The following CSMD3 variants were observed in gnomAD, a reference collection of about 807,000 sequenced individuals.
CSMD3 encodes the protein CUB and Sushi multiple domains 3.
Under a neutral mutation model 435.2 loss-of-function variants are expected in CSMD3, and 177 were observed. The observed-to-expected ratio is 0.41, with a 90% CI of 0.36 to 0.46. The LOEUF (loss-of-function observed/expected upper bound fraction) is 0.46. CSMD3 is among the 20% of genes least tolerant of loss of function. The pLI is 0.34. For synonymous variants in CSMD3, 1,656 were observed against 1,520.5 expected, an observed-to-expected ratio of 1.09 and a Z score of -2.07; for missense variants, 4,265 against 4,504.6, an observed-to-expected ratio of 0.95 and a Z score of 1.52.
chr8:112,352,346 C>G (rs1826205511), intron 39 of CSMD3, 70 bp downstream of exon 39: 1 of 1,603,262 alleles, frequency 6.2e-7, no homozygotes, highest in Admixed American at 1.7e-5. Context: ...CGTGGCTTAT[C>G]AATCATTGAT....
intron 61 of CSMD3, among the ~76,000 whole-genome samples, chr8:112,261,852 A>G (rs1816434500): frequency 6.6e-6 from 1 of 151,912 alleles, no homozygotes; most frequent in Non-Finnish European, 1.5e-5. Flanking sequence ...ATCTCCTGAG[A>G]GGAAATAGCT....
chr8:112,798,174 T>A (rs2078873390), intron 13 of CSMD3, among the ~76,000 whole-genome samples: 1 of 151,800 alleles, frequency 6.6e-6, no homozygotes, highest in Non-Finnish European at 1.5e-5. Context: ...GGTGCTAAGT[T>A]AAAATTAAAA....
intron 1 of CSMD3, among the ~76,000 whole-genome samples, chr8:113,364,280 A>T (rs904864128): frequency 9.2e-5 from 14 of 151,996 alleles, no homozygotes; most frequent in Non-Finnish European, 2.9e-5. Flanking sequence ...GATACAGAAA[A>T]TGTATAAAGC....
At chr8:113,194,850 T>C (rs536885580) in intron 3 of CSMD3, among the ~76,000 whole-genome samples, 2 of 151,372 alleles carry the variant, frequency 1.3e-5, no homozygotes, top group Admixed American at 1.3e-4. Flanking sequence ...TACAAACAAG[T>C]AGCTTTCACA....
At chr8:113,287,842 T>G (rs182026523) in intron 2 of CSMD3, among the ~76,000 whole-genome samples, 41 of 152,094 alleles carry the variant, frequency 2.7e-4, no homozygotes, top group Non-Finnish European at 4.9e-4. Flanking sequence ...CTGCAAATTC[T>G]TGATTACCTG....
At chr8:112,488,556 A>G (rs776641793) in intron 31 of CSMD3, among the ~76,000 whole-genome samples, 1 of 152,218 alleles carries the variant, frequency 6.6e-6, no homozygotes, top group Non-Finnish European at 1.5e-5. Flanking sequence ...CTCAAAAGCA[A>G]TGCCTACCAG....
At chr8:113,019,008 T>C (rs770539736) in intron 6 of CSMD3, 59 bp downstream of exon 6, 1 of 1,092,884 alleles carries the variant, frequency 9.2e-7, no homozygotes, top group Non-Finnish European at 1.4e-6. Context: ...CAAAACATAG[T>C]TGTGTACACC....
intron 13 of CSMD3, among the ~76,000 whole-genome samples, chr8:112,794,281 TAA>T (rs1476939880): frequency 7.1e-6 from 1 of 141,082 alleles, no homozygotes; most frequent in African/African-American, 2.7e-5. Flanking sequence ...GCTGGACTGA[TAA>T]ACTTTTTTTT....
intron 7 of CSMD3, among the ~76,000 whole-genome samples, chr8:112,965,165 C>G (rs558200290): frequency 1.0e-3 from 154 of 152,068 alleles, no homozygotes; most frequent in Non-Finnish European, 1.9e-3. Flanking sequence ...AATAGAAAGT[C>G]TAGCCCCATC....
chr8:112,442,453 C>T (rs1377776328), intron 32 of CSMD3, among the ~76,000 whole-genome samples: 1 of 152,194 alleles, frequency 6.6e-6, no homozygotes, highest in Non-Finnish European at 1.5e-5. Flanking sequence ...CACTTACTAG[C>T]TGTAGGATCA....
At chr8:113,025,334 G>A (rs1373790539) in intron 5 of CSMD3, among the ~76,000 whole-genome samples, 1 of 152,170 alleles carries the variant, frequency 6.6e-6, no homozygotes, top group Non-Finnish European at 1.5e-5. Context: ...ATTCTGGGTA[G>A]AAGCAGGAGT....
intron 1 of CSMD3, among the ~76,000 whole-genome samples, chr8:113,380,459 AAAAG>A (rs1172849702): frequency 6.6e-6 from 1 of 152,198 alleles, no homozygotes; most frequent in Non-Finnish European, 1.5e-5. Flanking sequence ...ATTTAGAAAA[AAAAG>A]AAAGAATTAG....
intron 11 of CSMD3, among the ~76,000 whole-genome samples, chr8:112,855,266 T>C (rs1452801603): frequency 6.6e-6 from 1 of 152,178 alleles, no homozygotes; most frequent in Non-Finnish European, 1.5e-5. Context: ...TTTTGGAAAC[T>C]GTACTTTCTC....
chr8:112,507,174 A>C (rs1822621748), intron 28 of CSMD3, among the ~76,000 whole-genome samples: 1 of 152,200 alleles, frequency 6.6e-6, no homozygotes, highest in South Asian at 2.1e-4. Flanking sequence ...TTACCAGAAA[A>C]AATCAGATCA....
intron 10 of CSMD3, among the ~76,000 whole-genome samples, chr8:112,872,503 C>G (rs2081164048): frequency 6.6e-6 from 1 of 151,882 alleles, no homozygotes; most frequent in Non-Finnish European, 1.5e-5. Context: ...AAATGCAATT[C>G]CTATGAAAGA....
At chr8:112,621,012 G>GTA (rs1563776855) in intron 22 of CSMD3, among the ~76,000 whole-genome samples, 2 of 152,028 alleles carry the variant, frequency 1.3e-5, no homozygotes, top group Non-Finnish European at 2.9e-5. Context: ...CGAGGTGGGC[G>GTA]GATCACCTGA....
chr8:113,327,003 T>C lies in CSMD3; in HGVS notation c.179-12210A>G, dbSNP rs557717104. Among the ~76,000 whole-genome samples the C allele has an allele frequency of 7.9e-5, 12 of 152,306 alleles. No individual in the cohort carries two copies. In the South Asian group the frequency reaches 2.5e-3, roughly 32 times the overall value. ...AAGTTTGAAAGTTTGAGAAAGAATA[T>C]AATGAATTATGTCAAACATAATTGG... On this transcript the variant is annotated intron_variant, in intron 1 of 70. Coordinates refer to ENST00000297405, the MANE Select transcript of CSMD3 (RefSeq NM_198123.2).
rs138439920 is a variant in CSMD3, at chr8:112,521,336, C to A, written c.4565-4111G>T. On this transcript the variant is annotated intron_variant, in intron 27 of 70. Coordinates refer to ENST00000297405, the MANE Select transcript of CSMD3 (RefSeq NM_198123.2). ...CTATTCCACTGTTTTTAAATCCAGG[C>A]TGCCATATCCAGTGGTAACTTTTAT... Among the ~76,000 whole-genome samples, 308 of 152,006 alleles carry A rather than the reference C, an allele frequency of 2.0e-3. 1 individual carries two copies. Among genetic ancestry groups the A allele is most frequent in the Middle Eastern group, 3.4e-3 (1 of 294 alleles).
chr8:112,265,366 T>C (rs751356906), intron 60 of CSMD3, 45 bp downstream of exon 60: 4 of 1,420,288 alleles, frequency 2.8e-6, no homozygotes, highest in African/African-American at 2.8e-5. Context: ...TAAGAAAATA[T>C]GTACTGGTTA....
Sources: allele counts gnomAD v4.1 joint callset (sites outside exome capture counted in the v4.1 genomes callset), GRCh38; gene constraint gnomAD v4.1.1; transcripts MANE v1.5; gene names NCBI Gene and HGNC (gene_info 2026-07-23, HGNC 2026-07-21).